Variants in KXD1 observed in about 807,000 individuals in gnomAD.
KXD1 encodes KxDL motif containing 1, also known as kxDL motif-containing protein 1.
KXD1 carries 5 observed loss-of-function variants against 12.1 expected under a neutral mutation model. The observed-to-expected ratio is 0.41, with a 90% CI of 0.22 to 0.87. The LOEUF (loss-of-function observed/expected upper bound fraction) is 0.87, where lower values mean the gene tolerates loss of function less well. Ranked by LOEUF, KXD1 falls within the 40% of genes least tolerant of loss-of-function variation. KXD1 has a pLI of 0.31. For missense variants in KXD1, 193 were observed against 244.9 expected (o/e 0.79, Z 1.41); for synonymous variants, 98 against 100.5 (o/e 0.98, Z 0.15).
In KXD1 at chr19:18,561,871, C is replaced by A. The variant is rs1457399807; in HGVS notation, c.-21-165C>A. 8.0e-6 allele frequency: 4 copies of A among 499,750 alleles called. No homozygotes were observed. The East Asian group carries it at 1.4e-4, about 18-fold the overall frequency. 31.0% of individuals were successfully genotyped at this position (499,750 alleles called of 1,614,324 possible). On this transcript the variant is annotated intron_variant, in intron 1 of 4. Coordinates refer to ENST00000222307, the MANE Select transcript of KXD1 (RefSeq NM_024069.4). ...CAATACCTCCAAATTCCTGGGGTGG[C>A]ACACCTGAGGTTCAGGTGGCATGAC...
intron 4 of KXD1, 150 bp downstream of exon 4, chr19:18,567,328 G>T: frequency 2.6e-6 from 2 of 769,326 alleles, no homozygotes; most frequent in South Asian, 3.2e-5. Context: ...CAGGGTCAGG[G>T]TGCTGGCCTG....
intron 1 of KXD1, 118 bp downstream of exon 1, chr19:18,558,032 C>A (rs945836927): frequency 6.6e-5 from 10 of 152,404 alleles, no homozygotes; most frequent in African/African-American, 2.4e-4. Context: ...GGGTGCGCCA[C>A]TGGCCACATC....
intron 1 of KXD1, among the ~76,000 whole-genome samples, chr19:18,560,926 C>T (rs537248384): frequency 1.1e-3 from 172 of 151,984 alleles, no homozygotes; most frequent in African/African-American, 4.0e-3. Flanking sequence ...AGGCTGGTCT[C>T]GAACTCCTGA....
chr19:18,562,771 G>C (rs1016890646), intron 2 of KXD1, among the ~76,000 whole-genome samples: 3 of 152,216 alleles, frequency 2.0e-5, no homozygotes, highest in African/African-American at 7.2e-5. Context: ...CTTTATGCAG[G>C]TTTTATGCTG....
intron 3 of KXD1, among the ~76,000 whole-genome samples, chr19:18,566,342 TC>T (rs1229094454): frequency 6.6e-6 from 1 of 151,172 alleles, no homozygotes; most frequent in Non-Finnish European, 1.5e-5. Context: ...GTGGTGGGCG[TC>T]TGTATTGCCA....
Position 18,568,750 on chromosome 19 carries a change from CT to C in KXD1, c.*120del. 2.8e-6 allele frequency: 2 copies of C among 722,324 alleles called. No individual in the cohort carries two copies. The highest frequency in any genetic ancestry group is 4.5e-6 in the Non-Finnish European group (2 of 440,062). The allele number at this position is 722,324 out of a possible 1,614,324, so 44.7% of individuals were successfully genotyped here. Reference sequence around the variant, plus strand: ...TGCTGCCCCGTTCTGTCACCCAGGGCTCCTAGGGGGACAAGGCTCTCTCCCG... The same window carrying C: ...TGCTGCCCCGTTCTGTCACCCAGGGCCCTAGGGGGACAAGGCTCTCTCCCG... On this transcript the variant is annotated 3_prime_UTR_variant, in exon 5 of 5. Coordinates refer to ENST00000222307, the MANE Select transcript of KXD1 (RefSeq NM_024069.4).
At position 18,561,975 on chromosome 19, in the gene KXD1, G is replaced by C. The variant is rs988259571; in HGVS notation, c.-21-61G>C. The stretch of plus-strand genomic sequence containing the variant: ...TCCAGCACATGGCGGTCCCGGCCTG[G>C]CCTCTTGGTCCCACCTCACCTGGTG... On this transcript the variant is annotated intron_variant, in intron 1 of 4. Coordinates refer to ENST00000222307, the MANE Select transcript of KXD1 (RefSeq NM_024069.4). 4 of 1,118,246 alleles carry C rather than the reference G, an allele frequency of 3.6e-6. No homozygotes were observed. In the African/African-American group the frequency reaches 6.3e-5, roughly 18 times the overall value. 69.3% of individuals were successfully genotyped at this position (1,118,246 alleles called of 1,614,324 possible).
chr19:18,565,140 C>A, intron 3 of KXD1, 119 bp downstream of exon 3: 1 of 1,505,500 alleles, frequency 6.6e-7, no homozygotes. Context: ...CAAGGCTTCA[C>A]TGCGCACTTA....
intron 4 of KXD1, among the ~76,000 whole-genome samples, chr19:18,568,113 C>A (rs1485286529): frequency 1.3e-5 from 2 of 152,008 alleles, no homozygotes; most frequent in Non-Finnish European, 2.9e-5. Flanking sequence ...AGTAAAAATA[C>A]AAAATTAGAT....
intron 2 of KXD1, among the ~76,000 whole-genome samples, chr19:18,563,538 T>G (rs1975036843): frequency 6.6e-6 from 1 of 151,822 alleles, no homozygotes; most frequent in Non-Finnish European, 1.5e-5. Context: ...GGAGTCTCGC[T>G]CTCTCGCCAG....
intron 1 of KXD1, chr19:18,561,643 A>G (rs560001105): frequency 6.4e-6 from 1 of 156,754 alleles, no homozygotes; most frequent in South Asian, 1.9e-4. Flanking sequence ...GAGAGGAGAC[A>G]TTGGAGGTGG....
chr19:18,562,074 G>A lies in KXD1; in HGVS notation c.18G>A (p.Ser6=), dbSNP rs544023656. 1.6e-5 allele frequency: 26 copies of A among 1,612,932 alleles called. No homozygotes were observed. The highest frequency in any genetic ancestry group is 5.0e-5 in the Admixed American group (3 of 59,868). Residue 6 remains serine, a synonymous_variant, in exon 2 of 5, where the codon TCG becomes TCA. Transcript: ENST00000222307. ...AGAAAGAGATGGACCTCCCGGACTCGGCCTCGAGGGTCTTCTGCGGCCGCA... is the reference window on the plus strand; with the variant it reads ...AGAAAGAGATGGACCTCCCGGACTCAGCCTCGAGGGTCTTCTGCGGCCGCA... The part of the protein sequence containing the change: MDLPD[S]ASRVFCGRIL...
chr19:18,562,074 G>C lies in KXD1; in HGVS notation c.18G>C (p.Ser6=), dbSNP rs544023656. 39 of 1,612,932 alleles carry C rather than the reference G, an allele frequency of 2.4e-5. No homozygotes were observed. Among genetic ancestry groups the C allele is most frequent in the Non-Finnish European group, 3.2e-5 (38 of 1,179,514 alleles). ...AGAAAGAGATGGACCTCCCGGACTC[G>C]GCCTCGAGGGTCTTCTGCGGCCGCA... is the stretch of plus-strand genomic sequence containing the variant. MDLPD[S]ASRVFCGRIL... The change falls in exon 2 of 5, where the codon TCG becomes TCC. Residue 6 remains serine (S), a synonymous_variant. Transcript: ENST00000222307.
intron 1 of KXD1, chr19:18,559,873 C>T (rs1445976716): frequency 1.3e-5 from 2 of 151,956 alleles, no homozygotes; most frequent in Non-Finnish European, 2.9e-5. Flanking sequence ...CCCTTTCTTT[C>T]TCTTTCCTTT....
rs1175232490 is a variant in KXD1, at chr19:18,564,852, CCT to C, written c.102-11_102-10del. 15 of 1,612,848 alleles carry C rather than the reference CCT, an allele frequency of 9.3e-6. No individual in the cohort carries two copies. The highest frequency in any genetic ancestry group is 1.3e-5 in the African/African-American group (1 of 74,894). The stretch of plus-strand genomic sequence containing the variant: ...TGAAGCTGGGCAGTGAAGCTCATGC[CCT>C]CTCTCCACCATCAGGCTGGACCGCT... On this transcript the variant is annotated splice_polypyrimidine_tract_variant and intron_variant, in intron 2 of 4. Coordinates refer to ENST00000222307, the MANE Select transcript of KXD1 (RefSeq NM_024069.4).
chr19:18,563,988 A>G (rs951530160), intron 2 of KXD1, among the ~76,000 whole-genome samples: 2 of 148,910 alleles, frequency 1.3e-5, no homozygotes, highest in Admixed American at 1.3e-4. Flanking sequence ...CCGGGTTCAA[A>G]TGATTCTCCT....
intron 4 of KXD1, 75 bp downstream of exon 4, chr19:18,567,253 C>T: frequency 6.9e-7 from 1 of 1,458,286 alleles, no homozygotes; most frequent in African/African-American, 1.4e-5. Context: ...GGAAGGCCAC[C>T]TTGGGGCCTG....
chr19:18,565,096 A>G (rs764843342), intron 3 of KXD1, 75 bp downstream of exon 3: 1 of 1,573,262 alleles, frequency 6.4e-7, no homozygotes, highest in South Asian at 1.1e-5. Flanking sequence ...TTTCCTTCAC[A>G]TACCAGGGTA....
chr19:18,566,957 C>T (rs111939764), intron 3 of KXD1, among the ~76,000 whole-genome samples, 175 bp from the exon 4 acceptor site: 6 of 152,238 alleles, frequency 3.9e-5, no homozygotes, highest in South Asian at 2.1e-4. Context: ...CTGTCAGGGC[C>T]GTGGCTGCTG....
Sources: allele counts gnomAD v4.1 joint callset (sites outside exome capture counted in the v4.1 genomes callset), GRCh38; gene constraint gnomAD v4.1.1; transcripts MANE v1.5; gene names NCBI Gene and HGNC (gene_info 2026-07-23, HGNC 2026-07-21).